PPIP5K2: variants seen among roughly 807,000 people sequenced by gnomAD.
The protein encoded by PPIP5K2 is diphosphoinositol pentakisphosphate kinase 2, also known as inositol hexakisphosphate and diphosphoinositol-pentakisphosphate kinase 2.
PPIP5K2 carries 105 observed loss-of-function variants against 154.6 expected under a neutral mutation model. The ratio of observed to expected loss-of-function variants is 0.68; its 90% CI spans 0.58 to 0.80. The LOEUF (loss-of-function observed/expected upper bound fraction) is 0.80. Ranked by LOEUF, PPIP5K2 falls within the 30% of genes least tolerant of loss-of-function variation. PPIP5K2 has a pLI of 0.00. For synonymous variants in PPIP5K2, 480 were observed against 490.3 expected, an observed-to-expected ratio of 0.98 and a Z score of 0.28; for missense variants, 992 against 1,504.6, an observed-to-expected ratio of 0.66 and a Z score of 5.64.
chr5:103,179,871 G>A, intron 23 of PPIP5K2, 150 bp from the exon 24 acceptor site: 1 of 578,910 alleles, frequency 1.7e-6, no homozygotes, highest in Non-Finnish European at 2.7e-6. Context: ...ATACTAAGCT[G>A]TTAGAAGAGT....
chr5:103,120,673 C>G (rs1562345652), intron 1 of PPIP5K2, 185 bp downstream of exon 1: 1 of 306,260 alleles, frequency 3.3e-6, no homozygotes, highest in Non-Finnish European at 6.8e-6. Flanking sequence ...TTTGAGGGTC[C>G]TTTCGCGCCT....
At position 103,210,506 on chromosome 5, in the gene PPIP5K2, TG is replaced by T; in HGVS notation, c.*8875del. ...ATAAGGAGCTGGGAGAAAGGAGACC[TG>T]GGTATTAATCTCAGCTCTACCACTA... On this transcript the variant is annotated 3_prime_UTR_variant, in exon 31 of 31. Transcript: ENST00000358359. 6.6e-6 allele frequency: 1 copy of T among 152,204 alleles called. No individual in the cohort carries two copies. The highest frequency in any genetic ancestry group is 2.4e-5 in the African/African-American group (1 of 41,556). 9.4% of individuals were successfully genotyped at this position (152,204 alleles called of 1,614,324 possible).
intron 21 of PPIP5K2, chr5:103,176,742 T>C: frequency 1.9e-6 from 1 of 540,248 alleles, no homozygotes; most frequent in South Asian, 2.8e-5. Flanking sequence ...TGTTAACTGT[T>C]GACTATAGAC....
chr5:103,170,933 A>G (rs559568845), intron 19 of PPIP5K2, among the ~76,000 whole-genome samples: 1 of 151,690 alleles, frequency 6.6e-6, no homozygotes, highest in African/African-American at 2.4e-5. Context: ...ACTTGTTTAG[A>G]ATAATTTAAT....
intron 3 of PPIP5K2, among the ~76,000 whole-genome samples, chr5:103,134,174 A>G (rs888030832): frequency 2.0e-5 from 3 of 152,080 alleles, no homozygotes; most frequent in Admixed American, 2.0e-4. Context: ...ATACATATTC[A>G]TACTTTATTT....
At chr5:103,181,428 C>T (rs1799533571) in intron 24 of PPIP5K2, among the ~76,000 whole-genome samples, 1 of 151,842 alleles carries the variant, frequency 6.6e-6, no homozygotes. Flanking sequence ...ATTAGCTGGG[C>T]TTGGTAGTGC....
intron 17 of PPIP5K2, among the ~76,000 whole-genome samples, chr5:103,166,317 C>A (rs192574687): frequency 2.6e-4 from 39 of 152,136 alleles, no homozygotes; most frequent in African/African-American, 8.2e-4. Context: ...ACAGAGTCCT[C>A]CATCATGACA....
chr5:103,177,817 A>G (rs1554221463), intron 22 of PPIP5K2, 43 bp downstream of exon 22: 4 of 1,595,218 alleles, frequency 2.5e-6, no homozygotes, highest in African/African-American at 1.3e-5. Context: ...ACATAAATAA[A>G]GAGCTTAAAG....
rs528228622 is a variant in PPIP5K2 at position 103,167,684 on chromosome 5, T to C, written c.2062+364T>C. ...ACAACTTTGGCATCTTGGGTTTTTTTCTGGCAGAAAATGGATCATTTGGAC... is the reference window on the plus strand; with the variant it reads ...ACAACTTTGGCATCTTGGGTTTTTTCCTGGCAGAAAATGGATCATTTGGAC... On this transcript the variant is annotated intron_variant, in intron 18 of 30. Transcript: ENST00000358359. Among the ~76,000 whole-genome samples the C allele has an allele frequency of 3.2e-3, 491 of 152,060 alleles. 2 individuals carry two copies. Among genetic ancestry groups the C allele is most frequent in the Non-Finnish European group, 5.4e-3 (369 of 67,906 alleles).
rs543151634 is a variant in PPIP5K2 at position 103,154,778 on chromosome 5, A to T, written c.1293+33A>T. 5 of 1,550,226 alleles carry T rather than the reference A, an allele frequency of 3.2e-6. No homozygotes were observed. In the African/African-American group the frequency reaches 6.9e-5, roughly 21 times the overall value. On this transcript the variant is annotated intron_variant, in intron 12 of 30. Coordinates refer to ENST00000358359, the MANE Select transcript of PPIP5K2 (RefSeq NM_001276277.3). ...TATTTGCTTTCTTGTTTAATTTTAA[A>T]TTTTTTAGTGGTGAAATTACATAAA...
chr5:103,195,389 G>T (rs146849217), intron 30 of PPIP5K2, among the ~76,000 whole-genome samples: 4 of 152,094 alleles, frequency 2.6e-5, no homozygotes, highest in African/African-American at 9.6e-5. Context: ...GGAAGTGGAG[G>T]TATGAGGATT....
At chr5:103,194,194 G>A (rs1326268646) in intron 29 of PPIP5K2, among the ~76,000 whole-genome samples, 2 of 151,638 alleles carry the variant, frequency 1.3e-5, no homozygotes, top group Non-Finnish European at 2.9e-5. Context: ...CCGAGACAGA[G>A]TCTTGCTCTG....
intron 4 of PPIP5K2, among the ~76,000 whole-genome samples, chr5:103,137,211 G>A (rs1205706446): frequency 1.4e-5 from 2 of 145,784 alleles, no homozygotes; most frequent in Non-Finnish European, 3.0e-5. Context: ...CGCCCAGTCT[G>A]GAGTGCAGTG....
chr5:103,160,935 T>C (rs1554215451), intron 17 of PPIP5K2, among the ~76,000 whole-genome samples: 1 of 151,994 alleles, frequency 6.6e-6, no homozygotes, highest in African/African-American at 2.4e-5. Context: ...ACTGTTTTTT[T>C]TTTCTTTTTT....
rs2149864654 is a variant in PPIP5K2, at chr5:103,201,690, T to C, written c.*56T>C. 3 of 1,222,876 alleles carry C rather than the reference T, an allele frequency of 2.5e-6. No individual in the cohort carries two copies. Among genetic ancestry groups the C allele is most frequent in the Non-Finnish European group, 3.5e-6 (3 of 867,032 alleles). 75.8% of individuals were successfully genotyped at this position (1,222,876 alleles called of 1,614,324 possible). A position where few individuals can be genotyped will look rare whatever the true frequency, so the allele number is the denominator to read the frequency against. ...TTATAAAAATAGTATGTTCTTATGTTTCTCCTTATGCATTTATGTGTTCAC... is the reference window on the plus strand; with the variant it reads ...TTATAAAAATAGTATGTTCTTATGTCTCTCCTTATGCATTTATGTGTTCAC... On this transcript the variant is annotated 3_prime_UTR_variant, in exon 31 of 31. Transcript: ENST00000358359.
rs1803475590 is a variant in PPIP5K2 at position 103,205,656 on chromosome 5, G to C, written c.*4022G>C. The C allele has an allele frequency of 6.6e-6, 1 of 152,150 alleles. No homozygotes were observed. The highest frequency in any genetic ancestry group is 1.5e-5 in the Non-Finnish European group (1 of 68,038). 9.4% of individuals were successfully genotyped at this position (152,150 alleles called of 1,614,324 possible). A position where few individuals can be genotyped will look rare whatever the true frequency, so the allele number is the denominator to read the frequency against. ...AACATCTTTTCGCTTAGGGATCACT[G>C]TCAATTTCTCCTTTTATTATCAATG... On this transcript the variant is annotated 3_prime_UTR_variant, in exon 31 of 31. Transcript: ENST00000358359.
chr5:103,164,190 A>T (rs1304320597), intron 17 of PPIP5K2, among the ~76,000 whole-genome samples: 1 of 151,696 alleles, frequency 6.6e-6, no homozygotes, highest in Non-Finnish European at 1.5e-5. Context: ...TTTCTTTGTA[A>T]TTTGTGTAGG....
At chr5:103,169,546 T>A (rs1797640594) in intron 19 of PPIP5K2, among the ~76,000 whole-genome samples, 1 of 151,786 alleles carries the variant, frequency 6.6e-6, no homozygotes, top group African/African-American at 2.4e-5. Flanking sequence ...GTATACGTGT[T>A]AACAATTAGC....
At chr5:103,128,219 T>G (rs1282103024) in intron 1 of PPIP5K2, among the ~76,000 whole-genome samples, 1 of 152,072 alleles carries the variant, frequency 6.6e-6, no homozygotes, top group Non-Finnish European at 1.5e-5. Flanking sequence ...ATTGTTTGAC[T>G]TTTAAGAATA....
Sources: allele counts gnomAD v4.1 joint callset (sites outside exome capture counted in the v4.1 genomes callset), GRCh38; gene constraint gnomAD v4.1.1; transcripts MANE v1.5; gene names NCBI Gene and HGNC (gene_info 2026-07-23, HGNC 2026-07-21).